The following KLHL32 variants were observed in gnomAD, a reference collection of about 807,000 sequenced individuals.
KLHL32 encodes the protein kelch like family member 32.
In KLHL32, 35 loss-of-function variants were observed where a neutral mutation model predicts 64.8. That is an observed-to-expected ratio of 0.54 (90% CI 0.41 to 0.72). The LOEUF is 0.72. Among genes scored for constraint, KLHL32 ranks in the 30% least tolerant of loss-of-function variants. KLHL32 has a pLI of 0.00. For synonymous variants in KLHL32, 259 were observed against 281.0 expected, an observed-to-expected ratio of 0.92 and a Z score of 0.78; for missense variants, 589 against 768.5, an observed-to-expected ratio of 0.77 and a Z score of 2.76.
intron 3 of KLHL32, among the ~76,000 whole-genome samples, chr6:96,981,299 T>G (rs986325911): frequency 6.6e-6 from 1 of 152,226 alleles, no homozygotes; most frequent in Admixed American, 6.5e-5. Flanking sequence ...AGGTTGTATG[T>G]TTCCATGAAT....
chr6:97,076,654 T>A (rs1791631738), intron 5 of KLHL32, among the ~76,000 whole-genome samples: 1 of 152,126 alleles, frequency 6.6e-6, no homozygotes, highest in Non-Finnish European at 1.5e-5. Flanking sequence ...CAATTAGGTG[T>A]ACTTATAATA....
Position 97,064,716 on chromosome 6 carries a change from A to C in KLHL32, c.401A>C (p.Tyr134Ser). The change falls in exon 5 of 11, where the codon TAT becomes TCT. Residue 134 changes from tyrosine (Y) to serine (S), a missense_variant. Physicochemically the swap from Tyr to Ser is moderately radical, Grantham distance 144. This residue lies in a region of KLHL32 where 191 missense variants were observed against 223.3 expected (regional missense o/e 0.86). Transcript: ENST00000369261. ...LLELLNLCSH[Y>S]LIQELNSFNY... ...GAGCTTCTCAATTTATGCTCCCACT[A>C]TCTCATCCAGGTATGTGAGCTTGCA... 1.2e-6 allele frequency: 2 copies of C among 1,613,032 alleles called. No individual in the cohort carries two copies. Among genetic ancestry groups the C allele is most frequent in the Non-Finnish European group, 1.7e-6 (2 of 1,178,958 alleles).
At chr6:96,930,925 A>G (rs1769797434) in intron 1 of KLHL32, among the ~76,000 whole-genome samples, 1 of 152,204 alleles carries the variant, frequency 6.6e-6, no homozygotes, top group South Asian at 2.1e-4. Flanking sequence ...CAAAAAGCAC[A>G]GAGCTGCCCC....
chr6:97,092,156 T>C (rs995619675), intron 6 of KLHL32, among the ~76,000 whole-genome samples: 2 of 151,688 alleles, frequency 1.3e-5, no homozygotes, highest in Admixed American at 6.6e-5. Flanking sequence ...ACCTGGCTAA[T>C]TTTTTTGTAT....
chr6:97,002,522 A>G (rs1416758222), intron 3 of KLHL32, among the ~76,000 whole-genome samples: 2 of 152,196 alleles, frequency 1.3e-5, no homozygotes, highest in African/African-American at 4.8e-5. Flanking sequence ...GGTTTGTTAT[A>G]TAGGTAAATT....
upstream of KLHL32, among the ~76,000 whole-genome samples, chr6:96,921,679 GC>G (rs1233799492): frequency 2.0e-5 from 3 of 152,164 alleles, no homozygotes; most frequent in Admixed American, 6.5e-5. Context: ...GGAGGAGGCA[GC>G]TATCAGGAAT....
intron 3 of KLHL32, among the ~76,000 whole-genome samples, chr6:97,018,454 G>C (rs1024917429): frequency 4.0e-5 from 6 of 151,120 alleles, no homozygotes; most frequent in Admixed American, 2.0e-4. Flanking sequence ...TTATCTGGGC[G>C]TGTTGGCGCA....
chr6:97,029,881 G>A (rs1783281837), intron 3 of KLHL32, among the ~76,000 whole-genome samples: 1 of 152,200 alleles, frequency 6.6e-6, no homozygotes. Context: ...TCTCTGTAAT[G>A]CCTCATGGCC....
chr6:97,008,545 G>A (rs1003283224), intron 3 of KLHL32, among the ~76,000 whole-genome samples: 5 of 152,168 alleles, frequency 3.3e-5, no homozygotes, highest in African/African-American at 4.8e-5. Context: ...TCTGAGCTGT[G>A]CACTGGCTGG....
the KLHL32 span, among the ~76,000 whole-genome samples, chr6:96,908,237 TC>T: frequency 6.6e-6 from 1 of 152,218 alleles, no homozygotes; most frequent in Non-Finnish European, 1.5e-5. Context: ...GTCAAAGGTT[TC>T]TTATGTCATG....
intron 6 of KLHL32, among the ~76,000 whole-genome samples, chr6:97,088,250 T>C (rs1234856351): frequency 6.6e-6 from 1 of 152,224 alleles, no homozygotes; most frequent in Admixed American, 6.5e-5. Flanking sequence ...TTTGGTTTTA[T>C]GTTTCAAGGC....
intron 4 of KLHL32, among the ~76,000 whole-genome samples, chr6:97,051,518 T>G (rs1582851343): frequency 6.6e-6 from 1 of 152,224 alleles, no homozygotes; most frequent in East Asian, 1.9e-4. Flanking sequence ...CACCTGTTTC[T>G]TCTGAATGTT....
At chr6:96,985,386 T>A (rs932905954) in intron 3 of KLHL32, among the ~76,000 whole-genome samples, 1 of 152,186 alleles carries the variant, frequency 6.6e-6, no homozygotes, top group Non-Finnish European at 1.5e-5. Flanking sequence ...CTTTGTGGCA[T>A]TCTCTGTATT....
intron 4 of KLHL32, among the ~76,000 whole-genome samples, chr6:97,046,864 G>A (rs902341110): frequency 6.6e-5 from 10 of 152,160 alleles, no homozygotes; most frequent in Admixed American, 1.3e-4. Context: ...GTCTTTATCC[G>A]TGATATGTAT....
At chr6:96,954,287 A>T (rs1424561808) in intron 1 of KLHL32, among the ~76,000 whole-genome samples, 1 of 150,458 alleles carries the variant, frequency 6.6e-6, no homozygotes, top group Non-Finnish European at 1.5e-5. Context: ...CAGTGGAAAA[A>T]ATTGTTTTAG....
intron 6 of KLHL32, among the ~76,000 whole-genome samples, chr6:97,101,314 G>T (rs929705194): frequency 4.6e-5 from 7 of 152,080 alleles, no homozygotes; most frequent in African/African-American, 1.7e-4. Context: ...TAAACTTCCA[G>T]ATTTGCAGGA....
At chr6:97,103,134 C>T (rs1041276037) in intron 6 of KLHL32, among the ~76,000 whole-genome samples, 6 of 151,488 alleles carry the variant, frequency 4.0e-5, no homozygotes, top group African/African-American at 1.5e-4. Flanking sequence ...CACTGTATTC[C>T]CTCATGGAGG....
chr6:96,920,290 T>G (rs777591425), upstream of KLHL32, among the ~76,000 whole-genome samples: 7 of 152,212 alleles, frequency 4.6e-5, no homozygotes, highest in Non-Finnish European at 1.0e-4. Context: ...CACTGAGTCT[T>G]CATTCAACTA....
chr6:97,067,329 C>G (rs1172084651), intron 5 of KLHL32, among the ~76,000 whole-genome samples: 1 of 152,212 alleles, frequency 6.6e-6, no homozygotes, highest in Non-Finnish European at 1.5e-5. Flanking sequence ...CAGTGCTCCT[C>G]TGTGTCAATG....
Sources: allele counts gnomAD v4.1 joint callset (sites outside exome capture counted in the v4.1 genomes callset), GRCh38; gene constraint gnomAD v4.1.1; regional missense constraint gnomAD v4.1.1; transcripts MANE v1.5; gene names NCBI Gene and HGNC (gene_info 2026-07-23, HGNC 2026-07-21).